Variants in CACNA1H observed in about 807,000 individuals in gnomAD.
The protein encoded by CACNA1H is voltage-dependent T-type calcium channel subunit alpha-1H.
CACNA1H carries 149 observed loss-of-function variants against 192.5 expected under a neutral mutation model. That is an observed-to-expected ratio of 0.77 (90% CI 0.68 to 0.89). The LOEUF is 0.89. Among genes scored for constraint, CACNA1H ranks in the 40% least tolerant of loss-of-function variants. The pLI, the probability that CACNA1H is intolerant of heterozygous loss-of-function variation, is 0.00. For missense variants in CACNA1H, 4,257 were observed against 3,423.5 expected (o/e 1.24, Z -6.08); for synonymous variants, 2,202 against 1,475.2 (o/e 1.49, Z -11.29).
rs754454536 is a variant in CACNA1H, at chr16:1,195,914, C to T, written c.546-12C>T. On this transcript the variant is annotated splice_polypyrimidine_tract_variant and intron_variant, in intron 4 of 34. Coordinates refer to ENST00000348261, the MANE Select transcript of CACNA1H (RefSeq NM_021098.3). ...TCCTTGTTGAGCTGCTCCCCCTCGG[C>T]CCCGCCCCCAGCATGATGGAGTACT... is the stretch of plus-strand genomic sequence containing the variant. 3 of 1,608,932 alleles carry T rather than the reference C, an allele frequency of 1.9e-6. No homozygotes were observed. Among genetic ancestry groups the T allele is most frequent in the East Asian group, 2.2e-5 (1 of 44,864 alleles).
chr16:1,213,673 C>T, intron 26 of CACNA1H, 107 bp from the exon 27 acceptor site: 1 of 814,430 alleles, frequency 1.2e-6, no homozygotes, highest in Non-Finnish European at 1.8e-6. Context: ...CCGTGGGCCC[C>T]CAACTTCTAC....
intron 8 of CACNA1H, among the ~76,000 whole-genome samples, chr16:1,201,208 C>T (rs888985599): frequency 2.0e-5 from 3 of 152,168 alleles, no homozygotes; most frequent in South Asian, 4.1e-4. Context: ...TACCTAGAGC[C>T]ACCCTGCGGG....
chr16:1,190,349 C>G (rs1248950261), intron 2 of CACNA1H, among the ~76,000 whole-genome samples: 1 of 152,252 alleles, frequency 6.6e-6, no homozygotes, highest in African/African-American at 2.4e-5. Context: ...CCAGAAGTCA[C>G]CAGGCTCCGT....
At position 1,209,524 on chromosome 16, in the gene CACNA1H, C is replaced by T. The variant is rs139635919; in HGVS notation, c.3744+112C>T. ...GGGCGTGTTGTTGACTGAGGGGATT[C>T]AGAAGGGGAGAGAAGCAGGCCAGGC... On this transcript the variant is annotated intron_variant, in intron 17 of 34. Transcript: ENST00000348261. The T allele has an allele frequency of 4.9e-5, 66 of 1,349,562 alleles. No individual in the cohort carries two copies. In the African/African-American group the frequency reaches 6.3e-4, roughly 13 times the overall value. The allele number at this position is 1,349,562 out of a possible 1,614,324, so 83.6% of individuals were successfully genotyped here. A position where few individuals can be genotyped will look rare whatever the true frequency, so the allele number is the denominator to read the frequency against.
In CACNA1H at chr16:1,213,815, C is replaced by T; in HGVS notation, c.4813C>T (p.Pro1605Ser). ...CCGGCCCTACTATGCCGACTACTCG[C>T]CCACGCGCCGCTCCATTCACTCGCT... ...QRRPYYADYS[P>S]TRRSIHSLCT... The change falls in exon 27 of 35, where the codon CCC (proline) becomes TCC (serine). Residue 1605 changes from proline (P) to serine (S), a missense_variant. Transcript: ENST00000348261. 1.3e-6 allele frequency: 2 copies of T among 1,581,658 alleles called. No individual in the cohort carries two copies. Among genetic ancestry groups the T allele is most frequent in the Non-Finnish European group, 8.6e-7 (1 of 1,165,520 alleles).
intron 2 of CACNA1H, among the ~76,000 whole-genome samples, chr16:1,185,789 GTAT>G (rs1965971745): frequency 1.0e-5 from 1 of 98,214 alleles, no homozygotes; most frequent in Admixed American, 9.6e-5. Context: ...GGCGGGGTGT[GTAT>G]GGGGCGGGTG....
intron 12 of CACNA1H, 170 bp from the exon 13 acceptor site, chr16:1,206,831 T>G: frequency 3.4e-6 from 2 of 595,494 alleles, no homozygotes; most frequent in South Asian, 4.0e-5. Flanking sequence ...AGGAAGTCCC[T>G]TTTAAGCTAG....
rs758190801 is a variant in CACNA1H at position 1,218,676 on chromosome 16, G to A, written c.5887+25G>A. 4.0e-6 allele frequency: 6 copies of A among 1,511,518 alleles called. No individual in the cohort carries two copies. The African/African-American group carries it at 4.1e-5, about 10-fold the overall frequency. The allele number at this position is 1,511,518 out of a possible 1,614,324, so 93.6% of individuals were successfully genotyped here. A position where few individuals can be genotyped will look rare whatever the true frequency, so the allele number is the denominator to read the frequency against. On this transcript the variant is annotated intron_variant, in intron 33 of 34. Transcript: ENST00000348261. ...GGTATGGTAGCCAGCAGGAAGATAT[G>A]GGCTGGGTGGGAAGCAGGACAGGGA...
chr16:1,216,054 C>A (rs912020194), intron 30 of CACNA1H, among the ~76,000 whole-genome samples: 3 of 152,200 alleles, frequency 2.0e-5, no homozygotes, highest in African/African-American at 7.2e-5. Context: ...AGAGACCCAA[C>A]ACGTTGTCCC....
Position 1,215,379 on chromosome 16 carries a change from G to A in CACNA1H, c.5173+4G>A, listed in dbSNP as rs770084190. The A allele has an allele frequency of 6.2e-7, 1 of 1,609,092 alleles. No individual in the cohort carries two copies. Among genetic ancestry groups the A allele is most frequent in the Non-Finnish European group, 8.5e-7 (1 of 1,178,226 alleles). Reference sequence around the variant, plus strand: ...CGCGTGCTTCGCATTGCCCGTGGTAGGTGCCCGCGTGCCCGCCAGGTTCTC... The same window carrying A: ...CGCGTGCTTCGCATTGCCCGTGGTAAGTGCCCGCGTGCCCGCCAGGTTCTC... On this transcript the variant is annotated splice_donor_region_variant and intron_variant, in intron 29 of 34. Transcript: ENST00000348261.
In CACNA1H at chr16:1,201,803, C is replaced by T. The variant is rs9922076; in HGVS notation, c.1353C>T (p.Ser451=). 204,163 of 1,590,818 alleles carry T rather than the reference C, an allele frequency of 0.13. 14,011 individuals are homozygous for T. Among genetic ancestry groups the T allele is most frequent in the South Asian group, 0.16 (13,625 of 87,666 alleles). The stretch of plus-strand genomic sequence containing the variant: ...ACGACAGCACGCTGGCCAGCTTCTC[C>T]GAGCCTGGCAGCTGCTACGAAGAGC... The part of the protein sequence containing the change: ...LSNDSTLASF[S]EPGSCYEELL... Residue 451 remains serine (S), a synonymous_variant, in exon 9 of 35, where the codon TCC becomes TCT. Transcript: ENST00000348261.
At position 1,204,053 on chromosome 16, in the gene CACNA1H, C is replaced by T; in HGVS notation, c.2046C>T (p.Pro682=). 1 of 1,590,232 alleles carries T rather than the reference C, an allele frequency of 6.3e-7. No individual in the cohort carries two copies. Among genetic ancestry groups the T allele is most frequent in the Non-Finnish European group, 8.6e-7 (1 of 1,169,440 alleles). Residue 682 remains proline (P), a synonymous_variant, in exon 10 of 35, where the codon CCC becomes CCT. Coordinates refer to ENST00000348261, the MANE Select transcript of CACNA1H (RefSeq NM_021098.3). ...GCCATCTGTCGGGCCTCAGTGTGCCCTGCCCCCTGCCCAGCCCCCCAGCGG... is the reference window on the plus strand; with the variant it reads ...GCCATCTGTCGGGCCTCAGTGTGCCTTGCCCCCTGCCCAGCCCCCCAGCGG... ...APGHLSGLSV[P]CPLPSPPAGT...
At chr16:1,183,297 G>A (rs1965656251) in intron 2 of CACNA1H, among the ~76,000 whole-genome samples, 1 of 152,160 alleles carries the variant, frequency 6.6e-6, no homozygotes, top group Non-Finnish European at 1.5e-5. Context: ...AGCACAGAGG[G>A]GTTCTTAGGA....
At chr16:1,217,159 C>A in intron 31 of CACNA1H, 149 bp downstream of exon 31, 1 of 666,570 alleles carries the variant, frequency 1.5e-6, no homozygotes, top group Non-Finnish European at 2.5e-6. Flanking sequence ...CCCGGCCCTG[C>A]TTCCGGAGCC....
rs1341733220 is a variant in CACNA1H, at chr16:1,211,893, G to A, written c.4567-53G>A. The A allele has an allele frequency of 5.6e-6, 9 of 1,611,102 alleles. No homozygotes were observed. In the Admixed American group the frequency reaches 1.0e-4, roughly 18 times the overall value. The stretch of plus-strand genomic sequence containing the variant: ...CTGGGGACTCGGGGGGCCATCCTGG[G>A]TAGGGCCCCTGGCGGGGCAGGCGGG... On this transcript the variant is annotated intron_variant, in intron 24 of 34. Coordinates refer to ENST00000348261, the MANE Select transcript of CACNA1H (RefSeq NM_021098.3).
Position 1,216,931 on chromosome 16 carries a change from G to A in CACNA1H, c.5245-1G>A, listed in dbSNP as rs1211451863. ...CCCAGCTCTGCTTCTCTCTTGTGTAGGTGGGGAACCTGGGCCTTCTTTTCA... is the reference window on the plus strand; with the variant it reads ...CCCAGCTCTGCTTCTCTCTTGTGTAAGTGGGGAACCTGGGCCTTCTTTTCA... On this transcript the variant is annotated splice_acceptor_variant, in intron 30 of 34. Transcript: ENST00000348261. LOFTEE classifies it high-confidence loss of function. 1.2e-6 allele frequency: 2 copies of A among 1,601,068 alleles called. No homozygotes were observed. Among genetic ancestry groups the A allele is most frequent in the Admixed American group, 3.4e-5 (2 of 57,978 alleles).
intron 2 of CACNA1H, among the ~76,000 whole-genome samples, chr16:1,168,231 C>A (rs369363016): frequency 6.6e-6 from 1 of 151,962 alleles, no homozygotes; most frequent in African/African-American, 2.4e-5. Context: ...CAGCTCACCC[C>A]GATGAGCCCA....
chr16:1,204,737 C>T (rs1968446444), intron 10 of CACNA1H, among the ~76,000 whole-genome samples: 1 of 138,134 alleles, frequency 7.2e-6, no homozygotes, highest in African/African-American at 2.7e-5. Flanking sequence ...TTGATGCAGC[C>T]AAACCTGCTC....
intron 8 of CACNA1H, among the ~76,000 whole-genome samples, chr16:1,201,409 C>T (rs906421530): frequency 3.9e-5 from 6 of 152,240 alleles, no homozygotes; most frequent in South Asian, 4.1e-4. Flanking sequence ...AAGGAGGGGC[C>T]GAGCCACATG....
Sources: gnomAD v4.1 joint callset for allele counts (sites outside exome capture counted in the v4.1 genomes callset) on GRCh38, gnomAD v4.1.1 for gene constraint, MANE v1.5 for transcripts, NCBI Gene and HGNC (gene_info 2026-07-23, HGNC 2026-07-21) for gene names.